The following ZNF536 variants were observed in gnomAD, a reference collection of about 807,000 sequenced individuals.
The protein encoded by ZNF536 is zinc finger protein 536.
Under a neutral mutation model 84.5 loss-of-function variants are expected in ZNF536, and 13 were observed. That is an observed-to-expected ratio of 0.15 (90% CI 0.10 to 0.24). ZNF536 has a LOEUF of 0.24. ZNF536 is among the 10% of genes least tolerant of loss of function. The pLI is 1.00. For missense variants in ZNF536, 1,536 were observed against 1,747.5 expected (o/e 0.88, Z 2.16); for synonymous variants, 811 against 742.5 (o/e 1.09, Z -1.50).
At chr19:30,281,887 T>G (rs1184013248) in intron 1 of ZNF536, among the ~76,000 whole-genome samples, 1 of 152,056 alleles carries the variant, frequency 6.6e-6, no homozygotes, top group African/African-American at 2.4e-5. Flanking sequence ...GGGTGGCCCC[T>G]CAGGTTGGGG....
At chr19:30,601,615 G>A (rs2047688819) in intron 1 of ZNF536, among the ~76,000 whole-genome samples, 2 of 152,188 alleles carry the variant, frequency 1.3e-5, no homozygotes, top group African/African-American at 4.8e-5. Context: ...GACTCCCACA[G>A]GTGCTTAGAA....
chr19:30,574,836 G>A (rs1038323483), intron 1 of ZNF536, among the ~76,000 whole-genome samples: 1 of 152,162 alleles, frequency 6.6e-6, no homozygotes, highest in Non-Finnish European at 1.5e-5. Flanking sequence ...TAATCAATGA[G>A]TTTTTCCCTC....
intron 1 of ZNF536, among the ~76,000 whole-genome samples, chr19:30,664,646 A>G (rs1329485194): frequency 4.6e-5 from 7 of 151,086 alleles, no homozygotes; most frequent in Non-Finnish European, 7.4e-5. Flanking sequence ...CCTGGCACGT[A>G]GTACCATTTA....
chr19:30,334,330 G>A (rs2047310195), intron 2 of ZNF536, among the ~76,000 whole-genome samples: 1 of 152,200 alleles, frequency 6.6e-6, no homozygotes, highest in Non-Finnish European at 1.5e-5. Flanking sequence ...TGAATACTCA[G>A]AGTCAATTAA....
At chr19:30,347,031 C>T (rs1242164961) in intron 2 of ZNF536, among the ~76,000 whole-genome samples, 1 of 151,790 alleles carries the variant, frequency 6.6e-6, no homozygotes, top group Non-Finnish European at 1.5e-5. Context: ...TTTTAATAGC[C>T]ATTCTGATTG....
At chr19:30,374,980 G>C (rs1460851430) in intron 1 of ZNF536, among the ~76,000 whole-genome samples, 1 of 151,934 alleles carries the variant, frequency 6.6e-6, no homozygotes, top group Non-Finnish European at 1.5e-5. Flanking sequence ...GAGGAGCGAA[G>C]CGCCTGGAGA....
At chr19:30,386,385 C>T (rs919945343) in intron 1 of ZNF536, among the ~76,000 whole-genome samples, 1 of 152,100 alleles carries the variant, frequency 6.6e-6, no homozygotes, top group African/African-American at 2.4e-5. Flanking sequence ...TGTCTCTTAC[C>T]TCCTTTTTTG....
At chr19:30,465,279 C>G (rs2053334783) in intron 2 of ZNF536, among the ~76,000 whole-genome samples, 1 of 152,162 alleles carries the variant, frequency 6.6e-6, no homozygotes, top group South Asian at 2.1e-4. Flanking sequence ...CTGGCTTCAT[C>G]TCACCTTCAC....
intron 3 of ZNF536, among the ~76,000 whole-genome samples, chr19:30,536,246 C>T (rs1031163502): frequency 6.6e-6 from 1 of 152,166 alleles, no homozygotes; most frequent in South Asian, 2.1e-4. Flanking sequence ...TCTTCCAATG[C>T]AGAATGCCTG....
At position 30,364,846 on chromosome 19, in the gene ZNF536, T is replaced by TG. The variant is rs200307211; in HGVS notation, c.-3+12365dup. ...TCATATGTATACAAAAGAGGTACTT[T>TG]GGGTGATACAAGGGGTATATGCCAA... On this transcript the variant is annotated intron_variant, in intron 3 of 5. Transcript: ENST00000585628. Among the ~76,000 whole-genome samples, 869 of 152,342 alleles carry TG rather than the reference T, an allele frequency of 5.7e-3. 14 individuals are homozygous for TG. The highest frequency in any genetic ancestry group is 0.019 in the African/African-American group (787 of 41,582).
intron 1 of ZNF536, among the ~76,000 whole-genome samples, chr19:30,662,941 CTTTCTT>C (rs1372633227): frequency 3.8e-5 from 4 of 105,008 alleles, no homozygotes; most frequent in Non-Finnish European, 8.4e-5. Flanking sequence ...TTCTCTCTTT[CTTTCTT>C]TTTCTTTTTC....
chr19:30,485,882 A>G (rs2054285137), intron 2 of ZNF536, among the ~76,000 whole-genome samples: 1 of 151,994 alleles, frequency 6.6e-6, no homozygotes, highest in Non-Finnish European at 1.5e-5. Context: ...CAAATTTCAG[A>G]GAAAGATGTT....
intron 1 of ZNF536, among the ~76,000 whole-genome samples, chr19:30,249,513 T>C (rs1289681013): frequency 6.6e-6 from 1 of 151,946 alleles, no homozygotes; most frequent in South Asian, 2.1e-4. Context: ...CCAAACAAAA[T>C]ATCTGGGGCT....
chr19:30,414,071 G>A (rs2050610293), intron 1 of ZNF536, among the ~76,000 whole-genome samples: 1 of 110,800 alleles, frequency 9.0e-6, no homozygotes, highest in African/African-American at 3.5e-5. Context: ...CCAACCCCGG[G>A]CAACAGTGAG....
At chr19:30,598,528 T>C (rs1280932001) in intron 1 of ZNF536, among the ~76,000 whole-genome samples, 1 of 152,212 alleles carries the variant, frequency 6.6e-6, no homozygotes, top group African/African-American at 2.4e-5. Flanking sequence ...CTTAATTTTC[T>C]GTGTAATTAA....
chr19:30,515,942 G>A (rs1038084887), intron 2 of ZNF536, among the ~76,000 whole-genome samples: 10 of 145,534 alleles, frequency 6.9e-5, no homozygotes, highest in South Asian at 2.2e-4. Flanking sequence ...CAGGAGAATC[G>A]TTTGAACCCA....
chr19:30,254,632 C>T (rs1250494061), intron 1 of ZNF536, among the ~76,000 whole-genome samples: 1 of 150,958 alleles, frequency 6.6e-6, no homozygotes, highest in Admixed American at 6.6e-5. Flanking sequence ...AATGTGGACC[C>T]GCCAATGTGA....
chr19:30,553,977 G>C (rs2045875008), intron 4 of ZNF536: 1 of 152,046 alleles, frequency 6.6e-6, no homozygotes, highest in Non-Finnish European at 1.5e-5. Context: ...AACATCCCCA[G>C]CTTATCATCC....
At chr19:30,268,538 G>C (rs1017841703) in intron 1 of ZNF536, among the ~76,000 whole-genome samples, 5 of 152,146 alleles carry the variant, frequency 3.3e-5, no homozygotes, top group Admixed American at 3.3e-4. Context: ...CATTTGTGTA[G>C]GGTGAAGCTG....
Sources: allele counts gnomAD v4.1 joint callset (sites outside exome capture counted in the v4.1 genomes callset), GRCh38; gene constraint gnomAD v4.1.1; transcripts MANE v1.5; gene names NCBI Gene and HGNC (gene_info 2026-07-23, HGNC 2026-07-21).